Variants in TRAPPC9 observed in about 807,000 individuals in gnomAD.
TRAPPC9 encodes trafficking protein particle complex subunit 9, also known as IKK2 binding protein.
Under a neutral mutation model 124.0 loss-of-function variants are expected in TRAPPC9, and 83 were observed. The observed-to-expected ratio is 0.67, with a 90% CI of 0.56 to 0.80. TRAPPC9 has a LOEUF of 0.80. TRAPPC9 is among the 30% of genes least tolerant of loss of function. The pLI is 0.00. For synonymous variants in TRAPPC9, 638 were observed against 617.5 expected, an observed-to-expected ratio of 1.03 and a Z score of -0.49; for missense variants, 1,302 against 1,508.3, an observed-to-expected ratio of 0.86 and a Z score of 2.27.
chr8:140,184,122 A>G (rs1313896575), intron 17 of TRAPPC9, among the ~76,000 whole-genome samples: 1 of 152,112 alleles, frequency 6.6e-6, no homozygotes, highest in Non-Finnish European at 1.5e-5. Flanking sequence ...CACAGCTGAC[A>G]AGAAAGCAGG....
chr8:140,448,307 A>G (rs890176691), intron 2 of TRAPPC9, among the ~76,000 whole-genome samples: 1 of 152,220 alleles, frequency 6.6e-6, no homozygotes, highest in Admixed American at 6.5e-5. Flanking sequence ...GTCCCACTAC[A>G]GTGAGCAAGC....
In TRAPPC9 at chr8:139,730,115, C is replaced by T. The variant is rs1188085704; in HGVS notation, c.*946G>A. The stretch of plus-strand genomic sequence containing the variant: ...TGTGGCGGCAGCTCGGGCCCAGTCA[C>T]ACTCCTTCACTGGTGATCTCCCTCC... On this transcript the variant is annotated 3_prime_UTR_variant, in exon 23 of 23. Coordinates refer to ENST00000438773, the MANE Select transcript of TRAPPC9 (RefSeq NM_001160372.4). 6.6e-6 allele frequency among the ~76,000 whole-genome samples: 1 copy of T among 152,106 alleles called. No individual in the cohort carries two copies. Among genetic ancestry groups the T allele is most frequent in the African/African-American group, 2.4e-5 (1 of 41,430 alleles).
At chr8:140,139,108 G>A (rs1383155399) in intron 17 of TRAPPC9, among the ~76,000 whole-genome samples, 1 of 152,208 alleles carries the variant, frequency 6.6e-6, no homozygotes, top group Admixed American at 6.5e-5. Context: ...GGATTTAGAA[G>A]TGAAGGATGG....
chr8:139,949,280 T>C (rs1834477811), intron 19 of TRAPPC9, among the ~76,000 whole-genome samples: 1 of 152,048 alleles, frequency 6.6e-6, no homozygotes, highest in Non-Finnish European at 1.5e-5. Context: ...TTAGATATAA[T>C]AAAATTGAGA....
Position 139,961,660 on chromosome 8 carries a change from C to G in TRAPPC9, c.2810+27066G>C, listed in dbSNP as rs1462345092. Among the ~76,000 whole-genome samples the G allele has an allele frequency of 2.4e-5, 3 of 122,918 alleles. 1 individual carries two copies. The highest frequency in any genetic ancestry group is 5.8e-5 in the Non-Finnish European group (3 of 51,460). 80.6% of individuals were successfully genotyped at this position (122,918 alleles called of 152,430 possible). ...GCACCCTTGGGGGCCCCAGAAAGGA[C>G]CCTCCCCTCATCCCTGCAGGCTCAG... On this transcript the variant is annotated intron_variant, in intron 19 of 22. Coordinates refer to ENST00000438773, the MANE Select transcript of TRAPPC9 (RefSeq NM_001160372.4).
intron 16 of TRAPPC9, among the ~76,000 whole-genome samples, chr8:140,247,309 C>G (rs2064011133): frequency 1.3e-5 from 2 of 152,196 alleles, no homozygotes; most frequent in Admixed American, 6.5e-5. Flanking sequence ...CTACAAATCT[C>G]TGGCTTAAAT....
chr8:140,148,658 T>G (rs7012176), intron 17 of TRAPPC9, among the ~76,000 whole-genome samples: 1 of 152,036 alleles, frequency 6.6e-6, no homozygotes, highest in African/African-American at 2.4e-5. Context: ...AGCTTCCCCC[T>G]AGAAAGCTTT....
chr8:140,302,925 C>T (rs1477639235), intron 10 of TRAPPC9: 2 of 152,312 alleles, frequency 1.3e-5, no homozygotes, highest in East Asian at 3.9e-4. Flanking sequence ...CAGCTCCAAA[C>T]AGCTCTGGTT....
At chr8:140,440,995 T>TG (rs1211598883) in intron 2 of TRAPPC9, among the ~76,000 whole-genome samples, 4 of 139,002 alleles carry the variant, frequency 2.9e-5, no homozygotes, top group Admixed American at 7.8e-5. Context: ...TTTTTTTTTT[T>TG]GGAGACAAGG....
chr8:140,332,556 G>C (rs768567953), intron 9 of TRAPPC9, among the ~76,000 whole-genome samples: 2 of 151,862 alleles, frequency 1.3e-5, no homozygotes, highest in Non-Finnish European at 2.9e-5. Context: ...TGATATACGT[G>C]TATCAAAACA....
chr8:140,127,379 T>C (rs2061117987), intron 17 of TRAPPC9, among the ~76,000 whole-genome samples: 1 of 152,190 alleles, frequency 6.6e-6, no homozygotes, highest in African/African-American at 2.4e-5. Context: ...GAAACAGAAT[T>C]AAATTTATTT....
chr8:140,418,771 T>TAGATGGAC (rs779953213), intron 5 of TRAPPC9, among the ~76,000 whole-genome samples: 1 of 131,168 alleles, frequency 7.6e-6, no homozygotes, highest in South Asian at 2.8e-4. Context: ...GATAGATAGA[T>TAGATGGAC]AGACAGACAG....
chr8:139,868,288 G>A (rs578151930), intron 21 of TRAPPC9, among the ~76,000 whole-genome samples: 72 of 152,274 alleles, frequency 4.7e-4, no homozygotes, highest in African/African-American at 9.1e-4. Flanking sequence ...CCCAGGAGGC[G>A]GAGGCTGCAG....
At chr8:140,151,074 C>T (rs1219821785) in intron 17 of TRAPPC9, among the ~76,000 whole-genome samples, 3 of 152,074 alleles carry the variant, frequency 2.0e-5, no homozygotes, top group South Asian at 2.1e-4. Flanking sequence ...TCAGCTGCAC[C>T]GGAACAGAAA....
At chr8:139,857,072 G>GGGGGGGCCTGCCCTGCATTT (rs71276841) in intron 21 of TRAPPC9, among the ~76,000 whole-genome samples, 1 of 151,608 alleles carries the variant, frequency 6.6e-6, no homozygotes, top group African/African-American at 2.4e-5. Flanking sequence ...TCAGACAGAG[G>GGGGGGGCCTGCCCTGCATTT]TGAAAGAGCA....
At position 140,275,814 on chromosome 8, in the gene TRAPPC9, G is replaced by A; in HGVS notation, c.2122C>T (p.His708Tyr). 1 of 1,611,960 alleles carries A rather than the reference G, an allele frequency of 6.2e-7. No individual in the cohort carries two copies. The highest frequency in any genetic ancestry group is 2.2e-5 in the East Asian group (1 of 44,858). Residue 708 changes from histidine to tyrosine, a missense_variant, in exon 15 of 23, where the codon CAT becomes TAT. Physicochemically the swap from His to Tyr is moderately conservative, Grantham distance 83. This residue lies in a region of TRAPPC9 where 640 missense variants were observed against 679.3 expected (regional missense o/e 0.94). Transcript: ENST00000438773. ...TCACCAGAAGAAGGTTGCAATGAAT[G>A]TGCAGATCTAAAATAAGAAGAAGAA... ...QISTSLPRSA[H>Y]SLQPSSGDEI...
At chr8:140,108,631 T>C (rs2060710172) in intron 17 of TRAPPC9, among the ~76,000 whole-genome samples, 2 of 152,200 alleles carry the variant, frequency 1.3e-5, no homozygotes, top group African/African-American at 4.8e-5. Context: ...TGAAGGGTGG[T>C]TGTCAGACTC....
chr8:140,079,749 G>A (rs1000859931), intron 17 of TRAPPC9, among the ~76,000 whole-genome samples: 1 of 152,122 alleles, frequency 6.6e-6, no homozygotes, highest in Non-Finnish European at 1.5e-5. Context: ...GCCCAACGTG[G>A]CAAAACTCCA....
At chr8:140,102,392 T>C (rs918570631) in intron 17 of TRAPPC9, among the ~76,000 whole-genome samples, 1 of 152,198 alleles carries the variant, frequency 6.6e-6, no homozygotes, top group African/African-American at 2.4e-5. Flanking sequence ...GAAATTCTTA[T>C]AGATGTCTTA....
Sources: allele counts gnomAD v4.1 joint callset (sites outside exome capture counted in the v4.1 genomes callset), GRCh38; gene constraint gnomAD v4.1.1; regional missense constraint gnomAD v4.1.1; transcripts MANE v1.5; gene names NCBI Gene and HGNC (gene_info 2026-07-23, HGNC 2026-07-21).